The following PDE4B variants were observed in gnomAD, a reference collection of about 807,000 sequenced individuals.
The protein encoded by PDE4B is 3',5'-cyclic-AMP phosphodiesterase 4B.
In PDE4B, 20 loss-of-function variants were observed where a neutral mutation model predicts 82.2. The ratio of observed to expected loss-of-function variants is 0.24; its 90% CI spans 0.17 to 0.35. The LOEUF (loss-of-function observed/expected upper bound fraction) is 0.35, where lower values mean the gene tolerates loss of function less well. PDE4B is among the 10% of genes least tolerant of loss of function. PDE4B has a pLI of 1.00. For missense variants in PDE4B, 655 were observed against 907.2 expected (o/e 0.72, Z 3.57); for synonymous variants, 320 against 318.9 (o/e 1.00, Z -0.04).
intron 7 of PDE4B, among the ~76,000 whole-genome samples, chr1:66,274,893 C>G (rs777206511): frequency 6.6e-6 from 1 of 152,160 alleles, no homozygotes; most frequent in African/African-American, 2.4e-5. Context: ...AGGTTCTGGT[C>G]TACTTTGCTT....
intron 3 of PDE4B, chr1:66,046,090 T>A (rs1471688081): frequency 6.6e-6 from 1 of 151,734 alleles, no homozygotes; most frequent in East Asian, 1.9e-4. Flanking sequence ...GGAAAACCAG[T>A]TAGGAAGTGA....
At chr1:66,264,795 A>G (rs143371291) in intron 6 of PDE4B, among the ~76,000 whole-genome samples, 146 of 152,330 alleles carry the variant, frequency 9.6e-4, no homozygotes, top group African/African-American at 3.3e-3. Context: ...TTTAGCAACA[A>G]CGATGCAGGC....
intron 7 of PDE4B, among the ~76,000 whole-genome samples, chr1:66,310,800 CACTT>C (rs1027542876): frequency 2.6e-5 from 4 of 152,162 alleles, no homozygotes; most frequent in Non-Finnish European, 5.9e-5. Flanking sequence ...TCCTGGCTGA[CACTT>C]ACTAGATCTT....
intron 7 of PDE4B, among the ~76,000 whole-genome samples, chr1:66,299,172 T>C (rs915564504): frequency 3.9e-5 from 6 of 152,162 alleles, no homozygotes; most frequent in African/African-American, 1.4e-4. Flanking sequence ...CTACAACTTA[T>C]TCTTCCTATC....
chr1:66,361,586 TG>T (rs747638977), intron 9 of PDE4B, 28 bp from the exon 10 acceptor site: 17 of 1,590,780 alleles, frequency 1.1e-5, no homozygotes, highest in Non-Finnish European at 1.5e-5. Context: ...ACACATGTGC[TG>T]AAAAACATAT....
chr1:65,980,939 G>T (rs1056415681), intron 3 of PDE4B, among the ~76,000 whole-genome samples: 26 of 152,078 alleles, frequency 1.7e-4, no homozygotes, highest in South Asian at 2.1e-4. Flanking sequence ...TAAAATAAAA[G>T]AAATTTATTG....
intron 3 of PDE4B, among the ~76,000 whole-genome samples, chr1:66,115,521 C>T (rs1312731957): frequency 6.6e-6 from 1 of 152,208 alleles, no homozygotes; most frequent in Non-Finnish European, 1.5e-5. Context: ...AGAATTTGAT[C>T]TTAACCTTGC....
rs534272122 is a variant in PDE4B at position 66,109,153 on chromosome 1, A to G, written c.282-138307A>G. ...ACCCTGTTGTATAATGCCATGGTAC[A>G]GACATATCTAAAATAGACCAACAGA... On this transcript the variant is annotated intron_variant, in intron 3 of 16. Transcript: ENST00000341517. Among the ~76,000 whole-genome samples, 10 of 152,104 alleles carry G rather than the reference A, an allele frequency of 6.6e-5. No individual in the cohort carries two copies. The East Asian group carries it at 7.7e-4, about 12-fold the overall frequency.
chr1:65,998,738 C>T (rs1651693814), intron 3 of PDE4B, among the ~76,000 whole-genome samples: 1 of 151,822 alleles, frequency 6.6e-6, no homozygotes, highest in East Asian at 1.9e-4. Context: ...GGTACAATAC[C>T]CCCACATGCA....
chr1:65,858,060 A>G (rs1178456554), intron 1 of PDE4B, among the ~76,000 whole-genome samples: 1 of 152,204 alleles, frequency 6.6e-6, no homozygotes, highest in Non-Finnish European at 1.5e-5. Context: ...AAGTTCCCAA[A>G]TAGACTCAGG....
At chr1:66,161,953 A>G (rs903073246) in intron 3 of PDE4B, among the ~76,000 whole-genome samples, 7 of 152,222 alleles carry the variant, frequency 4.6e-5, no homozygotes, top group African/African-American at 1.7e-4. Flanking sequence ...CTTTAAAATG[A>G]AGGCAATAAT....
At chr1:65,883,176 T>C (rs998028102) in intron 1 of PDE4B, among the ~76,000 whole-genome samples, 1 of 152,212 alleles carries the variant, frequency 6.6e-6, no homozygotes, top group Non-Finnish European at 1.5e-5. Context: ...AAAGTAGTTT[T>C]TTCCAATTCT....
At chr1:66,021,649 C>G (rs1207371375) in intron 3 of PDE4B, among the ~76,000 whole-genome samples, 1 of 152,134 alleles carries the variant, frequency 6.6e-6, no homozygotes, top group Non-Finnish European at 1.5e-5. Context: ...TCTGAGGGCT[C>G]TGTTCTGTTC....
chr1:66,213,513 A>G (rs1297871228), intron 3 of PDE4B, among the ~76,000 whole-genome samples: 1 of 152,180 alleles, frequency 6.6e-6, no homozygotes, highest in Non-Finnish European at 1.5e-5. Flanking sequence ...AATCACTTTT[A>G]CTGCAAAATC....
At chr1:65,799,388 C>CT (rs904286947) in intron 1 of PDE4B, among the ~76,000 whole-genome samples, 1 of 152,042 alleles carries the variant, frequency 6.6e-6, no homozygotes, top group Non-Finnish European at 1.5e-5. Flanking sequence ...CTCAGTACCC[C>CT]TTTTTTAACA....
chr1:65,918,647 C>A lies in PDE4B; in HGVS notation c.93C>A (p.Ser31=). 1 of 1,613,294 alleles carries A rather than the reference C, an allele frequency of 6.2e-7. No individual in the cohort carries two copies. Residue 31 remains serine (S), a synonymous_variant, in exon 3 of 17, where the codon TCC becomes TCA. Coordinates refer to ENST00000341517, the MANE Select transcript of PDE4B (RefSeq NM_002600.4). ...ECSLSKSYSS[S]SNTLGIDLWR... ...GCTTGAGTAAATCCTACAGTTCTTC[C>A]AGTAACACACTTGGGATCGACCTCT... is the stretch of plus-strand genomic sequence containing the variant.
At position 66,239,481 on chromosome 1, in the gene PDE4B, G is replaced by A. The variant is rs375906432; in HGVS notation, c.282-7979G>A. On this transcript the variant is annotated intron_variant, in intron 3 of 16. Transcript: ENST00000341517. ...TTTTAGTAGATAAAAGTTTGAAATC[G>A]AGTCTGTGAAATTTCAGCCATAATT... 6.6e-5 allele frequency among the ~76,000 whole-genome samples: 10 copies of A among 152,270 alleles called. No homozygotes were observed. In the East Asian group the frequency reaches 1.2e-3, roughly 18 times the overall value.
chr1:66,157,088 C>G (rs931181021), intron 3 of PDE4B, among the ~76,000 whole-genome samples: 1 of 152,102 alleles, frequency 6.6e-6, no homozygotes, highest in African/African-American at 2.4e-5. Flanking sequence ...AAAACTGAAC[C>G]CTGGAGGACC....
chr1:65,883,642 CT>C (rs1557796400), intron 1 of PDE4B, among the ~76,000 whole-genome samples: 1 of 152,120 alleles, frequency 6.6e-6, no homozygotes, highest in Non-Finnish European at 1.5e-5. Flanking sequence ...ATTGAATACC[CT>C]TTATTTCTTT....
Sources: gnomAD v4.1 joint callset for allele counts (sites outside exome capture counted in the v4.1 genomes callset) on GRCh38, gnomAD v4.1.1 for gene constraint, MANE v1.5 for transcripts, NCBI Gene and HGNC (gene_info 2026-07-23, HGNC 2026-07-21) for gene names.